EPHB1: variants seen among roughly 807,000 people sequenced by gnomAD.
EPHB1 encodes EPH receptor B1, also known as ephrin type-B receptor 1.
A neutral mutation model predicts 94.4 loss-of-function variants in EPHB1; 30 were observed. That is an observed-to-expected ratio of 0.32 (90% confidence interval 0.24 to 0.43). The LOEUF is 0.43. EPHB1 is among the 20% of genes least tolerant of loss of function. The pLI is 1.00. For missense variants in EPHB1, 1,055 were observed against 1,308.3 expected (o/e 0.81, Z 2.99); for synonymous variants, 522 against 489.1 (o/e 1.07, Z -0.89).
intron 3 of EPHB1, among the ~76,000 whole-genome samples, chr3:134,997,856 G>T (rs1403036513): frequency 2.0e-5 from 3 of 152,156 alleles, no homozygotes; most frequent in Non-Finnish European, 4.4e-5. Context: ...ACAGTAGAAT[G>T]GTGTTCCCAT....
intron 3 of EPHB1, among the ~76,000 whole-genome samples, chr3:134,989,704 G>A (rs974734588): frequency 5.9e-4 from 89 of 152,124 alleles, no homozygotes; most frequent in African/African-American, 2.1e-3. Context: ...TGTGTTAAAT[G>A]TAAAGGAAGA....
rs867942000 is a variant in EPHB1, at chr3:135,025,224, A to G, written c.805+73172A>G. ...ATATTTATTTATTTATTTATTTATT[A>G]TTATACTTTAAGTTTTAGGGTACAT... On this transcript the variant is annotated intron_variant, in intron 3 of 15. Coordinates refer to ENST00000398015, the MANE Select transcript of EPHB1 (RefSeq NM_004441.5). 6.3e-3 allele frequency among the ~76,000 whole-genome samples: 445 copies of G among 70,972 alleles called. 1 individual carries two copies. The highest frequency in any genetic ancestry group is 0.016 in the Middle Eastern group (2 of 124). The allele number at this position is 70,972 out of a possible 152,430, so 46.6% of individuals were successfully genotyped here.
chr3:135,137,158 C>G (rs1940650608), intron 5 of EPHB1, among the ~76,000 whole-genome samples: 1 of 152,128 alleles, frequency 6.6e-6, no homozygotes, highest in South Asian at 2.1e-4. Context: ...GAGCTTGGGA[C>G]CATCTAAGCC....
At chr3:135,159,003 G>A (rs984099646) in intron 6 of EPHB1, among the ~76,000 whole-genome samples, 3 of 152,118 alleles carry the variant, frequency 2.0e-5, no homozygotes, top group Admixed American at 6.5e-5. Context: ...TAACTGGACC[G>A]AAGTTTACTG....
chr3:134,971,102 C>A (rs563471345), intron 3 of EPHB1, among the ~76,000 whole-genome samples: 2 of 152,102 alleles, frequency 1.3e-5, no homozygotes, highest in African/African-American at 4.8e-5. Context: ...GAGGCAAAGT[C>A]GGCTAGAATG....
At chr3:134,796,245 C>T (rs1482117747) in intron 1 of EPHB1, 1 of 162,320 alleles carries the variant, frequency 6.2e-6, no homozygotes, top group African/African-American at 2.4e-5. Flanking sequence ...CAAGTGGCCG[C>T]CGAAGGAGAG....
intron 1 of EPHB1, among the ~76,000 whole-genome samples, chr3:134,837,522 G>A (rs1322147702): frequency 2.0e-5 from 3 of 152,188 alleles, no homozygotes; most frequent in Non-Finnish European, 4.4e-5. Context: ...TCTGTCCTGG[G>A]AGATGGCGGG....
intron 3 of EPHB1, among the ~76,000 whole-genome samples, chr3:134,968,191 A>C (rs1050765669): frequency 2.6e-5 from 4 of 152,198 alleles, no homozygotes; most frequent in Non-Finnish European, 5.9e-5. Context: ...CACTGAGCTC[A>C]TGTTTGCTGT....
chr3:135,016,154 T>G lies in EPHB1; in HGVS notation c.805+64102T>G, dbSNP rs59183816. ...TTGAAGGGCCTTCATTCTGAAGTGA[T>G]CAGCTGCCACGTCTACTTTAATGTC... On this transcript the variant is annotated intron_variant, in intron 3 of 15. Coordinates refer to ENST00000398015, the MANE Select transcript of EPHB1 (RefSeq NM_004441.5). Among the ~76,000 whole-genome samples the G allele has an allele frequency of 8.5e-3, 1,289 of 152,292 alleles. 23 individuals carry two copies. The highest frequency in any genetic ancestry group is 0.03 in the African/African-American group (1,237 of 41,564).
intron 1 of EPHB1, among the ~76,000 whole-genome samples, chr3:134,887,760 A>G (rs550484331): frequency 6.6e-6 from 1 of 152,348 alleles, no homozygotes; most frequent in East Asian, 1.9e-4. Context: ...GACCATATCC[A>G]TGAAGTATTT....
At chr3:134,932,134 G>T (rs932573221) in intron 2 of EPHB1, among the ~76,000 whole-genome samples, 1 of 152,082 alleles carries the variant, frequency 6.6e-6, no homozygotes, top group African/African-American at 2.4e-5. Flanking sequence ...ATAACGGGAG[G>T]ATTATTAGAC....
chr3:134,885,262 C>T (rs1241830805), intron 1 of EPHB1, among the ~76,000 whole-genome samples: 2 of 152,102 alleles, frequency 1.3e-5, no homozygotes, highest in East Asian at 1.9e-4. Flanking sequence ...CAAAATGAGA[C>T]ACAGAAAGAT....
chr3:134,851,274 C>T (rs1208904346), intron 1 of EPHB1, among the ~76,000 whole-genome samples: 1 of 152,228 alleles, frequency 6.6e-6, no homozygotes, highest in Non-Finnish European at 1.5e-5. Context: ...GTGACTAGGT[C>T]TCTGGAGAAA....
At chr3:135,258,479 G>A (rs1290507821) in intron 15 of EPHB1, among the ~76,000 whole-genome samples, 5 of 151,984 alleles carry the variant, frequency 3.3e-5, no homozygotes, top group African/African-American at 1.2e-4. Context: ...TTCCTGATTG[G>A]GCAGATATTT....
chr3:135,037,819 TTGAG>T (rs1936695624), intron 3 of EPHB1, among the ~76,000 whole-genome samples: 3 of 152,192 alleles, frequency 2.0e-5, no homozygotes, highest in South Asian at 2.1e-4. Flanking sequence ...TCTATGTTCT[TTGAG>T]TGGTGAATTT....
intron 4 of EPHB1, among the ~76,000 whole-genome samples, chr3:135,114,722 C>CAGATAGAT (rs1180111188): frequency 1.6e-5 from 1 of 63,250 alleles, no homozygotes; most frequent in African/African-American, 5.1e-5. Flanking sequence ...GACTCTGTCT[C>CAGATAGAT]AGATAGATAA....
intron 3 of EPHB1, among the ~76,000 whole-genome samples, chr3:134,978,475 AC>A (rs1169888887): frequency 2.0e-5 from 3 of 151,068 alleles, no homozygotes; most frequent in Non-Finnish European, 4.4e-5. Context: ...CTGCAGCCCC[AC>A]TTTAAGTATC....
chr3:134,923,874 G>A (rs2038738072), intron 1 of EPHB1, among the ~76,000 whole-genome samples: 1 of 152,092 alleles, frequency 6.6e-6, no homozygotes, highest in Admixed American at 6.5e-5. Context: ...GGGAGGCAGT[G>A]GGAAGGACAA....
chr3:134,936,823 G>A (rs1419825060), intron 2 of EPHB1, among the ~76,000 whole-genome samples: 1 of 152,228 alleles, frequency 6.6e-6, no homozygotes, highest in Non-Finnish European at 1.5e-5. Flanking sequence ...TTAATGGTCT[G>A]TGTTTGCCTT....
Sources: gnomAD v4.1 joint callset for allele counts (sites outside exome capture counted in the v4.1 genomes callset) on GRCh38, gnomAD v4.1.1 for gene constraint, MANE v1.5 for transcripts, NCBI Gene and HGNC (gene_info 2026-07-23, HGNC 2026-07-21) for gene names.